ANKRD10: variants seen among roughly 807,000 people sequenced by gnomAD.
The protein encoded by ANKRD10 is ankyrin repeat domain-containing protein 10.
In ANKRD10, 14 loss-of-function variants were observed where a neutral mutation model predicts 27.0. The ratio of observed to expected loss-of-function variants is 0.52; its 90% CI spans 0.34 to 0.81. ANKRD10 has a LOEUF of 0.81. Among genes scored for constraint, ANKRD10 ranks in the 40% least tolerant of loss-of-function variants. The pLI, the probability that ANKRD10 is intolerant of heterozygous loss-of-function variation, is 0.01. For missense variants in ANKRD10, 493 were observed against 544.0 expected, an observed-to-expected ratio of 0.91 and a Z score of 0.93; for synonymous variants, 250 against 224.5, an observed-to-expected ratio of 1.11 and a Z score of -1.01.
intron 4 of ANKRD10, among the ~76,000 whole-genome samples, chr13:110,886,969 C>T (rs929829981): frequency 3.3e-5 from 5 of 152,202 alleles, no homozygotes; most frequent in African/African-American, 7.2e-5. Flanking sequence ...ACACCTGAGA[C>T]ACAACGTTCA....
chr13:110,895,899 A>G (rs1451334948), intron 3 of ANKRD10, among the ~76,000 whole-genome samples: 1 of 152,196 alleles, frequency 6.6e-6, no homozygotes, highest in African/African-American at 2.4e-5. Context: ...TTCCCCTGCC[A>G]AAGGTAGTTA....
chr13:110,906,148 TAC>T, intron 2 of ANKRD10, 24 bp from the exon 3 acceptor site: 5 of 1,547,546 alleles, frequency 3.2e-6, no homozygotes, highest in Non-Finnish European at 8.8e-7. Context: ...AAGCAAAATA[TAC>T]ACATACTTAG....
intron 3 of ANKRD10, chr13:110,894,427 A>AAAAAAAAAT (rs398024414): frequency 4.0e-6 from 1 of 252,260 alleles, no homozygotes; most frequent in Non-Finnish European, 7.1e-6. Flanking sequence ...AAAAAAAAAA[A>AAAAAAAAAT]CCCCGCATTT....
In ANKRD10 at chr13:110,880,168, CT is replaced by C. The variant is rs1407176410; in HGVS notation, c.788-57del. On this transcript the variant is annotated intron_variant, in intron 5 of 5. Transcript: ENST00000267339. Reference sequence around the variant, plus strand: ...TTCAGAACCAATGAGGGAGGAGAAACTATAAAATGCTTCACTGCCATTACAA... The same window carrying C: ...TTCAGAACCAATGAGGGAGGAGAAACATAAAATGCTTCACTGCCATTACAA... 6.4e-6 allele frequency: 9 copies of C among 1,395,822 alleles called. No individual in the cohort carries two copies. The African/African-American group carries it at 1.1e-4, about 18-fold the overall frequency. The allele number at this position is 1,395,822 out of a possible 1,614,324, so 86.5% of individuals were successfully genotyped here. A position where few individuals can be genotyped will look rare whatever the true frequency, so the allele number is the denominator to read the frequency against.
intron 4 of ANKRD10, among the ~76,000 whole-genome samples, chr13:110,885,456 G>A (rs980420923): frequency 1.3e-5 from 2 of 152,106 alleles, no homozygotes; most frequent in Non-Finnish European, 2.9e-5. Context: ...GCTGAGGCAG[G>A]AGAATCACTA....
chr13:110,888,949 T>G (rs965561585), intron 4 of ANKRD10, among the ~76,000 whole-genome samples: 13 of 152,200 alleles, frequency 8.5e-5, no homozygotes, highest in Non-Finnish European at 1.9e-4. Context: ...GTCCCAATTG[T>G]GAAATTGAAG....
intron 3 of ANKRD10, among the ~76,000 whole-genome samples, chr13:110,900,059 A>G (rs2065342525): frequency 7.0e-6 from 1 of 143,876 alleles, no homozygotes; most frequent in South Asian, 2.1e-4. Context: ...AAACACTCAA[A>G]TTTATATCTA....
chr13:110,886,798 A>C (rs545481148), intron 4 of ANKRD10, among the ~76,000 whole-genome samples: 2 of 152,216 alleles, frequency 1.3e-5, no homozygotes, highest in Non-Finnish European at 2.9e-5. Context: ...TCAGTTTGGG[A>C]AAGGAAGCAC....
At chr13:110,883,454 C>T in intron 5 of ANKRD10, 1 of 1,195,926 alleles carries the variant, frequency 8.4e-7, no homozygotes. Flanking sequence ...ACAAACTTGC[C>T]CAAGATATGC....
chr13:110,898,629 G>C (rs1454424365), intron 3 of ANKRD10, among the ~76,000 whole-genome samples: 1 of 152,054 alleles, frequency 6.6e-6, no homozygotes, highest in Non-Finnish European at 1.5e-5. Context: ...GAGTGCAGTG[G>C]TGCAATCACA....
chr13:110,914,771 G>A lies in ANKRD10; in HGVS notation c.164C>T (p.Ser55Phe), dbSNP rs1386123587. The A allele has an allele frequency of 2.5e-6, 4 of 1,599,034 alleles. No homozygotes were observed. Among genetic ancestry groups the A allele is most frequent in the Middle Eastern group, 1.7e-4 (1 of 5,962 alleles). The change falls in exon 1 of 6, where the codon TCC becomes TTC. Residue 55 changes from serine (S) to phenylalanine (F), a missense_variant. Transcript: ENST00000267339. The stretch of plus-strand genomic sequence containing the variant: ...GTGCACGGGCGTCCAGCCATAGAAG[G>A]AGTCCTCAGAGGCCAGGTGGGCGTG... ...TPHAHLASED[S>F]FYGWTPVHWA...
chr13:110,893,558 C>T (rs796813198), intron 3 of ANKRD10, among the ~76,000 whole-genome samples: 12 of 152,330 alleles, frequency 7.9e-5, no homozygotes, highest in Admixed American at 3.3e-4. Flanking sequence ...TCTAAATTTA[C>T]GCTAACTTCA....
intron 3 of ANKRD10, chr13:110,904,952 T>G (rs1358105946): frequency 6.6e-6 from 1 of 152,228 alleles, no homozygotes; most frequent in Non-Finnish European, 1.5e-5. Flanking sequence ...TTAGCCTGTA[T>G]GGTTTTGCTG....
In ANKRD10 at chr13:110,883,774, G is replaced by A. The variant is rs144207809; in HGVS notation, c.711C>T (p.Ala237=). The A allele has an allele frequency of 5.0e-6, 8 of 1,613,918 alleles. No individual in the cohort carries two copies. The highest frequency in any genetic ancestry group is 6.8e-6 in the Non-Finnish European group (8 of 1,179,992). ...CTGTGTCGCCATTCGTGAGTGGCAC[G>A]GCAGAATCCAAGCTTTGAGCTGCAC... The part of the protein sequence containing the change: ...ARTEAQSLDS[A]VPLTNGDTED... The change falls in exon 5 of 6, where the codon GCC becomes GCT. Residue 237 remains alanine, a synonymous_variant. Transcript: ENST00000267339.
At chr13:110,900,757 G>GC in intron 3 of ANKRD10, 1 of 1,150,956 alleles carries the variant, frequency 8.7e-7, no homozygotes, top group Non-Finnish European at 1.2e-6. Context: ...TTTAAAACGG[G>GC]CAATGGTTCA....
intron 4 of ANKRD10, among the ~76,000 whole-genome samples, chr13:110,887,541 A>G (rs982811741): frequency 6.6e-6 from 1 of 152,132 alleles, no homozygotes; most frequent in African/African-American, 2.4e-5. Context: ...TACATAAAAA[A>G]CCAAAAAGCA....
intron 2 of ANKRD10, among the ~76,000 whole-genome samples, chr13:110,907,665 AAGAC>A (rs1011664950): frequency 6.6e-6 from 1 of 152,212 alleles, no homozygotes; most frequent in Non-Finnish European, 1.5e-5. Flanking sequence ...TCCATTTTTG[AAGAC>A]AGAAACACAG....
chr13:110,887,305 A>C (rs1009319495), intron 4 of ANKRD10, among the ~76,000 whole-genome samples: 1 of 152,184 alleles, frequency 6.6e-6, no homozygotes, highest in Non-Finnish European at 1.5e-5. Context: ...CCATGAAAAA[A>C]GTCTTAGTTT....
At chr13:110,906,874 G>C (rs2065554472) in intron 2 of ANKRD10, among the ~76,000 whole-genome samples, 1 of 152,098 alleles carries the variant, frequency 6.6e-6, no homozygotes, top group Non-Finnish European at 1.5e-5. Flanking sequence ...AGAGAAAAGT[G>C]AGCAGACCCA....
Sources: allele counts gnomAD v4.1 joint callset (sites outside exome capture counted in the v4.1 genomes callset), GRCh38; gene constraint gnomAD v4.1.1; transcripts MANE v1.5; gene names NCBI Gene and HGNC (gene_info 2026-07-23, HGNC 2026-07-21).